Variants in PPP2R5E observed in about 807,000 individuals in gnomAD.
PPP2R5E encodes the protein protein phosphatase 2 regulatory subunit B'epsilon.
PPP2R5E carries 4 observed loss-of-function variants against 65.3 expected under a neutral mutation model. The ratio of observed to expected loss-of-function variants is 0.06; its 90% CI spans 0.03 to 0.14. PPP2R5E has a LOEUF of 0.14. Ranked by LOEUF, PPP2R5E falls within the 10% of genes least tolerant of loss-of-function variation. PPP2R5E has a pLI of 1.00. For synonymous variants in PPP2R5E, 183 were observed against 187.4 expected (o/e 0.98, Z 0.19); for missense variants, 274 against 556.1 (o/e 0.49, Z 5.10).
intron 2 of PPP2R5E, among the ~76,000 whole-genome samples, chr14:63,522,485 A>C (rs527979048): frequency 3.0e-4 from 41 of 137,782 alleles, no homozygotes; most frequent in African/African-American, 9.7e-4. Flanking sequence ...CCGCCATCCC[A>C]TCTAGGAAGT....
At chr14:63,536,468 T>C (rs965225230) in intron 2 of PPP2R5E, among the ~76,000 whole-genome samples, 3 of 152,196 alleles carry the variant, frequency 2.0e-5, no homozygotes, top group Non-Finnish European at 4.4e-5. Flanking sequence ...TGTGGCAATA[T>C]GTATGGCAAT....
chr14:63,507,575 C>CTTTT (rs756154248), intron 2 of PPP2R5E, among the ~76,000 whole-genome samples: 11 of 105,514 alleles, frequency 1.0e-4, no homozygotes, highest in African/African-American at 2.0e-4. Flanking sequence ...GGGTAATTCT[C>CTTTT]TTTTTTTTTT....
At chr14:63,439,504 A>AGCTGGGATTACAG (rs1208702579) in intron 3 of PPP2R5E, among the ~76,000 whole-genome samples, 16 of 152,164 alleles carry the variant, frequency 1.1e-4, no homozygotes, top group Non-Finnish European at 2.1e-4. Context: ...CCTCCACAGT[A>AGCTGGGATTACAG]GCTGGGATTA....
At position 63,496,191 on chromosome 14, in the gene PPP2R5E, A is replaced by G. The variant is rs115168772; in HGVS notation, c.158-42306T>C. Among the ~76,000 whole-genome samples, 370 of 152,114 alleles carry G rather than the reference A, an allele frequency of 2.4e-3. 6 individuals are homozygous for G. Among genetic ancestry groups the G allele is most frequent in the African/African-American group, 8.7e-3 (363 of 41,538 alleles). On this transcript the variant is annotated intron_variant, in intron 2 of 13. Coordinates refer to ENST00000337537, the MANE Select transcript of PPP2R5E (RefSeq NM_006246.5). ...GTTTATCCAGCAACATTATTCCAAC[A>G]CTGCTTGAGCCCTCAAGAGTGAGCC...
intron 2 of PPP2R5E, among the ~76,000 whole-genome samples, chr14:63,497,219 C>T (rs977417804): frequency 2.6e-5 from 4 of 152,030 alleles, no homozygotes; most frequent in African/African-American, 9.7e-5. Flanking sequence ...GATGCATAAA[C>T]GTATGACAGT....
In PPP2R5E at chr14:63,543,063, C is replaced by G. The variant is rs1337317634; in HGVS notation, c.-292G>C. On this transcript the variant is annotated 5_prime_UTR_variant, in exon 1 of 14. Coordinates refer to ENST00000337537, the MANE Select transcript of PPP2R5E (RefSeq NM_006246.5). ...CCCGTCCCATCAAATCGGCACCGAC[C>G]CCGTTGCGGCTCCGCCGGTGGCTCC... 6.6e-6 allele frequency: 1 copy of G among 152,412 alleles called. No homozygotes were observed. The highest frequency in any genetic ancestry group is 6.5e-5 in the Admixed American group (1 of 15,270). The allele number at this position is 152,412 out of a possible 1,614,324, so 9.4% of individuals were successfully genotyped here.
chr14:63,482,330 G>A (rs190646383), intron 2 of PPP2R5E, among the ~76,000 whole-genome samples: 1 of 152,086 alleles, frequency 6.6e-6, no homozygotes, highest in Non-Finnish European at 1.5e-5. Context: ...ATGGTGGCGC[G>A]TGCTTGTAAT....
intron 2 of PPP2R5E, among the ~76,000 whole-genome samples, chr14:63,488,601 C>A (rs1211032370): frequency 6.6e-6 from 1 of 152,084 alleles, no homozygotes; most frequent in African/African-American, 2.4e-5. Flanking sequence ...GTAATCCCAG[C>A]ACTTTGGGAG....
intron 5 of PPP2R5E, among the ~76,000 whole-genome samples, chr14:63,414,585 G>A (rs561302491): frequency 6.6e-6 from 1 of 152,236 alleles, no homozygotes; most frequent in East Asian, 1.9e-4. Context: ...GCACAATGAG[G>A]AGTCAGGAAA....
chr14:63,508,079 C>G, intron 2 of PPP2R5E: 6 of 917,874 alleles, frequency 6.5e-6, no homozygotes, highest in Non-Finnish European at 7.8e-6. Context: ...AGCCCATAAA[C>G]CCTCACTCCA....
chr14:63,386,853 G>A (rs1360081906), intron 11 of PPP2R5E, among the ~76,000 whole-genome samples: 2 of 151,704 alleles, frequency 1.3e-5, no homozygotes, highest in Middle Eastern at 3.2e-3. Context: ...GAACCCGGGA[G>A]GCAGATGCTG....
At chr14:63,449,953 G>A (rs924628467) in intron 3 of PPP2R5E, among the ~76,000 whole-genome samples, 9 of 132,848 alleles carry the variant, frequency 6.8e-5, no homozygotes, top group Non-Finnish European at 1.1e-4. Context: ...TCAGCTCACC[G>A]CAACCTCCAC....
rs1409471867 is a variant in PPP2R5E at position 63,443,121 on chromosome 14, AT to A, written c.354+10567del. Among the ~76,000 whole-genome samples the A allele has an allele frequency of 3.3e-5, 5 of 152,212 alleles. No homozygotes were observed. In the East Asian group the frequency reaches 5.8e-4, roughly 18 times the overall value. On this transcript the variant is annotated intron_variant, in intron 3 of 13. Transcript: ENST00000337537. ...TAAATCAAAGAATGTATAAAAAAAA[AT>A]AAAGCACTTAGATAACCAAGTGACA...
intron 3 of PPP2R5E, among the ~76,000 whole-genome samples, chr14:63,443,954 A>G (rs1888356101): frequency 6.6e-6 from 1 of 152,196 alleles, no homozygotes; most frequent in South Asian, 2.1e-4. Context: ...TTTCTCCAAT[A>G]AAACAGTCTC....
At position 63,515,996 on chromosome 14, in the gene PPP2R5E, C is replaced by T. The variant is rs369572682; in HGVS notation, c.157+23533G>A. On this transcript the variant is annotated intron_variant, in intron 2 of 13. Transcript: ENST00000337537. ...TCCCAAGTAGCTGGGACTATAAGCG[C>T]CCGCCACCACGCCTGGCTAGTTTTT... Among the ~76,000 whole-genome samples the T allele has an allele frequency of 2.6e-5, 4 of 151,560 alleles. No individual in the cohort carries two copies. The East Asian group carries it at 7.8e-4, about 30-fold the overall frequency.
intron 3 of PPP2R5E, among the ~76,000 whole-genome samples, chr14:63,448,121 C>A (rs530729318): frequency 1.3e-5 from 2 of 152,008 alleles, no homozygotes; most frequent in East Asian, 3.9e-4. Context: ...CATGGTGAAA[C>A]CCTGTCTCTA....
At chr14:63,420,703 T>C (rs1203539860) in intron 4 of PPP2R5E, among the ~76,000 whole-genome samples, 1 of 152,128 alleles carries the variant, frequency 6.6e-6, no homozygotes, top group Non-Finnish European at 1.5e-5. Context: ...GGGGAAAAAC[T>C]CTTAGAATAT....
intron 7 of PPP2R5E, among the ~76,000 whole-genome samples, chr14:63,394,169 C>T (rs1594822542): frequency 6.7e-6 from 1 of 150,082 alleles, no homozygotes; most frequent in Admixed American, 6.7e-5. Flanking sequence ...GCAACCTTCG[C>T]CTCCGGGATT....
chr14:63,388,826 A>G (rs1033466620), intron 11 of PPP2R5E, among the ~76,000 whole-genome samples: 1 of 152,230 alleles, frequency 6.6e-6, no homozygotes, highest in African/African-American at 2.4e-5. Context: ...TAAGAACCAC[A>G]GTCTGAACAA....
Sources: allele counts gnomAD v4.1 joint callset (sites outside exome capture counted in the v4.1 genomes callset), GRCh38; gene constraint gnomAD v4.1.1; transcripts MANE v1.5; gene names NCBI Gene and HGNC (gene_info 2026-07-23, HGNC 2026-07-21).